LIPK: variants seen among roughly 807,000 people sequenced by gnomAD.
LIPK encodes the protein lipase family member K.
In LIPK, 32 loss-of-function variants were observed where a neutral mutation model predicts 48.6. The ratio of observed to expected loss-of-function variants is 0.66; its 90% CI spans 0.50 to 0.88. LIPK has a LOEUF of 0.88. LIPK is among the 40% of genes least tolerant of loss of function. The pLI, the probability that LIPK is intolerant of heterozygous loss-of-function variation, is 0.00. For missense variants in LIPK, 507 were observed against 478.5 expected (o/e 1.06, Z -0.56); for synonymous variants, 164 against 157.4 (o/e 1.04, Z -0.32).
intron 9 of LIPK, among the ~76,000 whole-genome samples, chr10:88,745,467 G>A (rs761798556): frequency 6.6e-6 from 1 of 152,078 alleles, no homozygotes; most frequent in Non-Finnish European, 1.5e-5. Context: ...AAGAGATTAC[G>A]GGCTTGTATT....
intron 3 of LIPK, among the ~76,000 whole-genome samples, chr10:88,730,368 C>T (rs1842439245): frequency 6.6e-6 from 1 of 152,080 alleles, no homozygotes; most frequent in Non-Finnish European, 1.5e-5. Flanking sequence ...CGGCTCACTG[C>T]AAGCTCCGCC....
intron 6 of LIPK, among the ~76,000 whole-genome samples, chr10:88,736,878 A>G (rs181904416): frequency 1.9e-4 from 29 of 152,340 alleles, no homozygotes; most frequent in African/African-American, 6.7e-4. Context: ...AAAGAATTCT[A>G]GAAGAAATGT....
At chr10:88,749,372 G>T (rs1236090427) in intron 9 of LIPK, among the ~76,000 whole-genome samples, 1 of 152,120 alleles carries the variant, frequency 6.6e-6, no homozygotes, top group African/African-American at 2.4e-5. Flanking sequence ...ATACTACAAG[G>T]CTACAGTAAC....
chr10:88,736,449 G>A (rs923272898), intron 6 of LIPK, among the ~76,000 whole-genome samples: 1 of 151,948 alleles, frequency 6.6e-6, no homozygotes, highest in Admixed American at 6.6e-5. Flanking sequence ...AATAATAGTA[G>A]CAGCATACAC....
intron 9 of LIPK, among the ~76,000 whole-genome samples, chr10:88,745,542 A>C (rs750262055): frequency 1.3e-5 from 2 of 152,214 alleles, no homozygotes; most frequent in Non-Finnish European, 2.9e-5. Flanking sequence ...AAGCTTTATA[A>C]GTGAAGAAAA....
intron 1 of LIPK, among the ~76,000 whole-genome samples, chr10:88,715,459 G>C (rs1668625316): frequency 6.6e-6 from 1 of 152,014 alleles, no homozygotes; most frequent in Non-Finnish European, 1.5e-5. Flanking sequence ...AAATTTGACA[G>C]CTTTCTTATT....
At position 88,740,022 on chromosome 10, in the gene LIPK, C is replaced by G. The variant is rs1460948497; in HGVS notation, c.843C>G (p.His281Gln). 6.2e-7 allele frequency: 1 copy of G among 1,602,474 alleles called. No homozygotes were observed. Among genetic ancestry groups the G allele is most frequent in the Admixed American group, 1.7e-5 (1 of 59,670 alleles). Residue 281 changes from histidine (H) to glutamine (Q), a missense_variant, in exon 8 of 10, where the codon CAC becomes CAG. Coordinates refer to ENST00000404190, the MANE Select transcript of LIPK (RefSeq NM_001080518.2). ...GTCGCTTGGATGTTTATTTGTCACA[C>G]AATCCTGCGGGAACATCTGTTCAGA... ...NMSRLDVYLSHNPAGTSVQNM... is the reference protein window; with the variant it reads ...NMSRLDVYLSQNPAGTSVQNM...
In LIPK at chr10:88,737,766, G is replaced by A. The variant is rs141931715; in HGVS notation, c.801G>A (p.Pro267=). The A allele has an allele frequency of 7.6e-4, 1,228 of 1,613,620 alleles. 16 individuals are homozygous for A. In the East Asian group the frequency reaches 0.021, roughly 27 times the overall value. Residue 267 remains proline, a synonymous_variant, in exon 7 of 10, where the codon CCG becomes CCA. Coordinates refer to ENST00000404190, the MANE Select transcript of LIPK (RefSeq NM_001080518.2). ...TATTTACTCTGAGTGGATTTGATCC[G>A]CAAAACTTAAATATGGTAGGTGTAA... The part of the protein sequence containing the change: ...NFLFTLSGFD[P]QNLNMSRLDV...
At chr10:88,748,364 G>T (rs1232673013) in intron 9 of LIPK, among the ~76,000 whole-genome samples, 1 of 152,098 alleles carries the variant, frequency 6.6e-6, no homozygotes, top group Non-Finnish European at 1.5e-5. Context: ...CTTGCACATT[G>T]TGCACATGTA....
rs750424753 is a variant in LIPK, at chr10:88,732,502, C to T, written c.620C>T (p.Thr207Ile). 6.2e-7 allele frequency: 1 copy of T among 1,613,170 alleles called. No individual in the cohort carries two copies. The highest frequency in any genetic ancestry group is 1.7e-5 in the Admixed American group (1 of 59,894). ...ALAPVVTVKY[T>I]QSPMKKLTTL... is the part of the protein sequence containing the mutation. ...GCTCCAGTTGTCACAGTTAAATACA[C>T]CCAAAGTCCTATGAAAAAACTAACA... The change falls in exon 6 of 10, where the codon ACC becomes ATC. Residue 207 changes from threonine (T) to isoleucine (I), a missense_variant. By Grantham distance (89) the Thr-to-Ile change is moderately conservative. Transcript: ENST00000404190.
chr10:88,727,811 C>G, intron 3 of LIPK: 1 of 336,488 alleles, frequency 3.0e-6, no homozygotes, highest in South Asian at 2.9e-5. Flanking sequence ...GGAGAAGAAG[C>G]AGATCAAGAC....
At chr10:88,742,465 C>T (rs1053514702) in intron 8 of LIPK, among the ~76,000 whole-genome samples, 1 of 152,190 alleles carries the variant, frequency 6.6e-6, no homozygotes, top group Non-Finnish European at 1.5e-5. Flanking sequence ...ACAGAATAGT[C>T]TGAGAATAAT....
At position 88,752,713 on chromosome 10, in the gene LIPK, AC is replaced by A; in HGVS notation, c.1159del (p.Gln387LysfsTer3). 1 of 1,566,566 alleles carries A rather than the reference AC, an allele frequency of 6.4e-7. No individual in the cohort carries two copies. On this transcript the variant is annotated frameshift_variant, in exon 10 of 10. Coordinates refer to ENST00000404190, the MANE Select transcript of LIPK (RefSeq NM_001080518.2). LOFTEE classifies it high-confidence loss of function. ...YLGEDAPQEI[Y>X]QDLIILMEEY... Reference sequence around the variant, plus strand: ...GGAGAGGATGCACCTCAGGAAATTTACCAAGACCTAATTATATTGATGGAAG... The same window carrying A: ...GGAGAGGATGCACCTCAGGAAATTTACAAGACCTAATTATATTGATGGAAG...
At chr10:88,736,850 T>C (rs1372472936) in intron 6 of LIPK, among the ~76,000 whole-genome samples, 1 of 152,232 alleles carries the variant, frequency 6.6e-6, no homozygotes, top group Non-Finnish European at 1.5e-5. Flanking sequence ...TGTTCTTTAG[T>C]TGTAATTTCT....
At chr10:88,732,730 C>A (rs1050525931) in intron 6 of LIPK, among the ~76,000 whole-genome samples, 179 bp downstream of exon 6, 1 of 152,220 alleles carries the variant, frequency 6.6e-6, no homozygotes, top group African/African-American at 2.4e-5. Flanking sequence ...GGAACTCCCC[C>A]TGTTGCTAAT....
intron 9 of LIPK, among the ~76,000 whole-genome samples, chr10:88,746,621 G>A (rs1842770357): frequency 1.3e-5 from 2 of 152,248 alleles, no homozygotes; most frequent in African/African-American, 2.4e-5. Context: ...CTAAAGGAGT[G>A]TTAAGAGGAA....
At chr10:88,750,031 A>G (rs972892823) in intron 9 of LIPK, among the ~76,000 whole-genome samples, 1 of 152,220 alleles carries the variant, frequency 6.6e-6, no homozygotes, top group African/African-American at 2.4e-5. Context: ...GAAGACATAC[A>G]TGCATCTAAT....
intron 1 of LIPK, among the ~76,000 whole-genome samples, chr10:88,715,813 T>A (rs1328628587): frequency 3.3e-5 from 5 of 151,954 alleles, no homozygotes. Flanking sequence ...CTGCTTTCCT[T>A]CCTTCCTTGC....
chr10:88,716,708 T>A (rs896813054), intron 1 of LIPK, among the ~76,000 whole-genome samples: 1 of 152,018 alleles, frequency 6.6e-6, no homozygotes, highest in African/African-American at 2.4e-5. Context: ...AGGATACAGA[T>A]TCTGGAATTG....
Sources: gnomAD v4.1 joint callset for allele counts (sites outside exome capture counted in the v4.1 genomes callset) on GRCh38, gnomAD v4.1.1 for gene constraint, MANE v1.5 for transcripts, NCBI Gene and HGNC (gene_info 2026-07-23, HGNC 2026-07-21) for gene names.